Variants in DOCK1 observed in about 807,000 individuals in gnomAD.
DOCK1 encodes the protein dedicator of cytokinesis protein 1.
A neutral mutation model predicts 262.7 loss-of-function variants in DOCK1; 138 were observed. The ratio of observed to expected loss-of-function variants is 0.53; its 90% confidence interval spans 0.46 to 0.61. The LOEUF is 0.61. Among genes scored for constraint, DOCK1 ranks in the 20% least tolerant of loss-of-function variants. The pLI, the probability that DOCK1 is intolerant of heterozygous loss-of-function variation, is 0.00. For synonymous variants in DOCK1, 866 were observed against 867.4 expected (o/e 1.00, Z 0.03); for missense variants, 1,908 against 2,370.7 (o/e 0.80, Z 4.05).
chr10:127,036,139 G>A (rs936182705), intron 18 of DOCK1, among the ~76,000 whole-genome samples: 3 of 152,130 alleles, frequency 2.0e-5, no homozygotes, highest in African/African-American at 7.2e-5. Flanking sequence ...CTTTCTACAC[G>A]TCATGTCAGT....
chr10:126,905,457 T>C lies in DOCK1; in HGVS notation c.-61T>C. On this transcript the variant is annotated 5_prime_UTR_variant, in exon 1 of 52. It removes an upstream start codon present in the reference 5' UTR. Transcript: ENST00000623213. ...CCATCCTGTCGCGGCTCGAAAGGAA[T>C]GGAAAATGGCGGCCTAGACGCGGAG... 4.1e-6 allele frequency: 2 copies of C among 491,326 alleles called. No individual in the cohort carries two copies. Among genetic ancestry groups the C allele is most frequent in the South Asian group, 2.4e-5 (1 of 42,334 alleles). 30.4% of individuals were successfully genotyped at this position (491,326 alleles called of 1,614,324 possible). A position where few individuals can be genotyped will look rare whatever the true frequency, so the allele number is the denominator to read the frequency against.
rs374953310 is a variant in DOCK1, at chr10:127,065,170, G to A, written c.2445+3394G>A. Among the ~76,000 whole-genome samples the A allele has an allele frequency of 1.2e-4, 19 of 152,102 alleles. No homozygotes were observed. The East Asian group carries it at 1.7e-3, about 14-fold the overall frequency. On this transcript the variant is annotated intron_variant, in intron 23 of 51. Transcript: ENST00000623213. The stretch of plus-strand genomic sequence containing the variant: ...ATTACAGGCACCTGCCACCATGCCC[G>A]GCTAATTTTTTTGAATTTTTAGTAG...
At chr10:127,044,447 C>A (rs147850722) in intron 21 of DOCK1, among the ~76,000 whole-genome samples, 3 of 152,148 alleles carry the variant, frequency 2.0e-5, no homozygotes, top group Non-Finnish European at 2.9e-5. Flanking sequence ...ACATTTTGTT[C>A]GCTGAGTGGA....
intron 29 of DOCK1, among the ~76,000 whole-genome samples, chr10:127,275,949 A>G (rs1415481983): frequency 6.6e-6 from 1 of 152,270 alleles, no homozygotes; most frequent in Admixed American, 6.5e-5. Flanking sequence ...CGCATGGCGT[A>G]CAGGCCGCGT....
chr10:127,043,016 T>C (rs778663764), intron 20 of DOCK1, 48 bp from the exon 21 acceptor site: 2 of 1,397,208 alleles, frequency 1.4e-6, no homozygotes, highest in Non-Finnish European at 2.0e-6. Flanking sequence ...GATTATAAAA[T>C]GGCTTACATT....
chr10:127,122,949 G>T (rs1323551138), intron 25 of DOCK1, among the ~76,000 whole-genome samples: 1 of 152,180 alleles, frequency 6.6e-6, no homozygotes, highest in Non-Finnish European at 1.5e-5. Context: ...TGCCTACCCA[G>T]CATGACAGAT....
At chr10:127,181,394 A>G (rs1213897573) in intron 27 of DOCK1, among the ~76,000 whole-genome samples, 2 of 152,180 alleles carry the variant, frequency 1.3e-5, no homozygotes, top group African/African-American at 4.8e-5. Flanking sequence ...TCCATTCTTA[A>G]AATGTCCGTG....
intron 21 of DOCK1, among the ~76,000 whole-genome samples, chr10:127,048,446 T>A (rs893252811): frequency 2.0e-5 from 3 of 152,214 alleles, no homozygotes; most frequent in Non-Finnish European, 2.9e-5. Flanking sequence ...TTTGAACATT[T>A]TCTTCCTGCC....
chr10:127,120,154 C>G (rs11016271), intron 25 of DOCK1, among the ~76,000 whole-genome samples: 1,530 of 152,292 alleles, frequency 0.01, 53 homozygotes, highest in East Asian at 0.073. Context: ...CTGATTCTAG[C>G]TTCCTCGTAG....
At chr10:127,249,472 T>C (rs979838420) in intron 28 of DOCK1, among the ~76,000 whole-genome samples, 13 of 152,002 alleles carry the variant, frequency 8.6e-5, no homozygotes, top group Admixed American at 7.2e-4. Context: ...CGCAGTCGTG[T>C]GTTGCTTAAC....
At position 127,019,829 on chromosome 10, in the gene DOCK1, T is replaced by A. The variant is rs58157347; in HGVS notation, c.1327+994T>A. Among the ~76,000 whole-genome samples, 470 of 152,318 alleles carry A rather than the reference T, an allele frequency of 3.1e-3. 1 individual carries two copies. Among genetic ancestry groups the A allele is most frequent in the African/African-American group, 0.01 (419 of 41,572 alleles). Reference sequence around the variant, plus strand: ...GAGTGAATTCCTATCCAGATTAAACTGTAGCCTAAAGTCGCTCAGCTAATG... The same window carrying A: ...GAGTGAATTCCTATCCAGATTAAACAGTAGCCTAAAGTCGCTCAGCTAATG... On this transcript the variant is annotated intron_variant, in intron 13 of 51. Coordinates refer to ENST00000623213, the MANE Select transcript of DOCK1 (RefSeq NM_001290223.2).
intron 27 of DOCK1, among the ~76,000 whole-genome samples, chr10:127,205,818 G>A (rs2057693448): frequency 6.6e-6 from 1 of 152,130 alleles, no homozygotes; most frequent in Non-Finnish European, 1.5e-5. Context: ...AAGACACAAT[G>A]GTCTCCCATA....
chr10:127,361,106 C>CTTTT lies in DOCK1; in HGVS notation c.3284-936_3284-933dup, dbSNP rs1175942298. 5.7e-3 allele frequency among the ~76,000 whole-genome samples: 499 copies of CTTTT among 87,432 alleles called. 30 individuals are homozygous for CTTTT. Among genetic ancestry groups the CTTTT allele is most frequent in the African/African-American group, 0.02 (414 of 20,816 alleles). 57.4% of individuals were successfully genotyped at this position (87,432 alleles called of 152,430 possible). A position where few individuals can be genotyped will look rare whatever the true frequency, so the allele number is the denominator to read the frequency against. ...GTGAAATGAGATTAATAAAGTAGTT[C>CTTTT]TTTTTTTTTTTTTTTTTTTTTTTTT... On this transcript the variant is annotated intron_variant, in intron 32 of 51. Transcript: ENST00000623213.
intron 1 of DOCK1, among the ~76,000 whole-genome samples, chr10:126,958,694 G>C (rs1406727067): frequency 1.3e-5 from 2 of 152,172 alleles, no homozygotes; most frequent in African/African-American, 2.4e-5. Context: ...ACACCTTCCT[G>C]ATTCTAGTGG....
intron 25 of DOCK1, among the ~76,000 whole-genome samples, chr10:127,111,753 A>G (rs1445185864): frequency 6.6e-6 from 1 of 152,180 alleles, no homozygotes; most frequent in Non-Finnish European, 1.5e-5. Context: ...AGACACACAC[A>G]GCGACATACT....
intron 1 of DOCK1, among the ~76,000 whole-genome samples, chr10:126,953,333 A>G (rs1450184259): frequency 1.4e-5 from 2 of 144,662 alleles, no homozygotes; most frequent in African/African-American, 5.2e-5. Context: ...TGGTGGTAGT[A>G]TTGTCAGTGA....
chr10:127,355,966 T>G (rs1207583911), intron 32 of DOCK1, among the ~76,000 whole-genome samples: 1 of 152,140 alleles, frequency 6.6e-6, no homozygotes, highest in Non-Finnish European at 1.5e-5. Flanking sequence ...GAAGAGCGGG[T>G]CAGAGTGGCC....
In DOCK1 at chr10:127,074,654, C is replaced by T. The variant is rs552782338; in HGVS notation, c.2445+12878C>T. Among the ~76,000 whole-genome samples the T allele has an allele frequency of 5.9e-5, 9 of 152,174 alleles. No homozygotes were observed. In the East Asian group the frequency reaches 1.7e-3, roughly 29 times the overall value. The stretch of plus-strand genomic sequence containing the variant: ...AAGTAGGTTTTCTTCTTGCCTGTGT[C>T]ACCTTTAGATAGTAATTCTTAGCAT... On this transcript the variant is annotated intron_variant, in intron 23 of 51. Coordinates refer to ENST00000623213, the MANE Select transcript of DOCK1 (RefSeq NM_001290223.2).
chr10:127,145,381 G>A (rs1257354007), intron 27 of DOCK1, among the ~76,000 whole-genome samples: 1 of 152,338 alleles, frequency 6.6e-6, no homozygotes, highest in South Asian at 2.1e-4. Flanking sequence ...AAGCCAGGAA[G>A]ACGAGTCATG....
Sources: gnomAD v4.1 joint callset for allele counts (sites outside exome capture counted in the v4.1 genomes callset) on GRCh38, gnomAD v4.1.1 for gene constraint, MANE v1.5 for transcripts, NCBI Gene and HGNC (gene_info 2026-07-23, HGNC 2026-07-21) for gene names.